The following CHD3 variants were observed in gnomAD, a reference collection of about 807,000 sequenced individuals.
CHD3 encodes the protein chromodomain helicase DNA binding protein 3, also known as ATP-dependent chromatin remodeler CHD3.
A neutral mutation model predicts 248.9 loss-of-function variants in CHD3; 52 were observed. The observed-to-expected ratio is 0.21, with a 90% CI of 0.17 to 0.26. CHD3 has a LOEUF of 0.26. Among genes scored for constraint, CHD3 ranks in the 10% least tolerant of loss-of-function variants. CHD3 has a pLI of 1.00. For missense variants in CHD3, 1,482 were observed against 2,605.8 expected, an observed-to-expected ratio of 0.57 and a Z score of 9.39; for synonymous variants, 985 against 985.2, an observed-to-expected ratio of 1.00 and a Z score of 0.00.
chr17:7,891,817 C>T (rs1968904027), intron 4 of CHD3, among the ~76,000 whole-genome samples: 1 of 151,694 alleles, frequency 6.6e-6, no homozygotes, highest in Non-Finnish European at 1.5e-5. Flanking sequence ...GCCGAGATCA[C>T]ACCACTGCTA....
Position 7,903,112 on chromosome 17 carries a change from G to T in CHD3, c.3495+51G>T, listed in dbSNP as rs1970508161. On this transcript the variant is annotated intron_variant, in intron 22 of 39. Coordinates refer to ENST00000330494, the MANE Select transcript of CHD3 (RefSeq NM_001005273.3). The surrounding 1 kb of genome is among the most constrained non-coding windows in gnomAD (Gnocchi z 6.8). ...TGCACCATTTAGCAAGGAGATGTGG[G>T]TTCATGGAGGAGGGTGTCATGTTCC... The T allele has an allele frequency of 1.3e-6, 2 of 1,595,680 alleles. No individual in the cohort carries two copies. The highest frequency in any genetic ancestry group is 4.5e-5 in the East Asian group (2 of 44,522).
At chr17:7,886,015 T>TGGG (rs34320313), upstream of CHD3, among the ~76,000 whole-genome samples, 7 of 151,654 alleles carry the variant, frequency 4.6e-5, no homozygotes, top group South Asian at 2.1e-4. This position sits in a 1 kb window ranked among gnomAD's most constrained non-coding sequence, Gnocchi z 4.2. Flanking sequence ...TCAAGTGCGG[T>TGGG]GGGGGGGGTC....
chr17:7,903,478 AG>A lies in CHD3; in HGVS notation c.3703del (p.Glu1235SerfsTer18). 6.2e-7 allele frequency: 1 copy of A among 1,614,102 alleles called. No individual in the cohort carries two copies. On this transcript the variant is annotated frameshift_variant, in exon 23 of 40. Transcript: ENST00000330494. LOFTEE classifies it high-confidence loss of function. The surrounding 1 kb of genome is among the most constrained non-coding windows in gnomAD (Gnocchi z 6.8). ...LDDILKFGTE[E>X]LFKDENEGEN... is the part of the protein sequence containing the mutation. ...ACGACATTCTCAAATTTGGCACTGA[AG>A]AGCTATTCAAGGATGAAAACGAGGG...
rs9909007 is a variant in CHD3, at chr17:7,906,043, G to A, written c.4358+54G>A. 9,867 of 1,607,880 alleles carry A rather than the reference G, an allele frequency of 6.1e-3. 522 individuals carry two copies. The African/African-American group carries it at 0.12, about 19-fold the overall frequency. Reference sequence around the variant, plus strand: ...GGACGCAAGGGGAAGAGCTTTGGGTGTTCCTTTCTTCCTTGGGGCCGCCAT... The same window carrying A: ...GGACGCAAGGGGAAGAGCTTTGGGTATTCCTTTCTTCCTTGGGGCCGCCAT... On this transcript the variant is annotated intron_variant, in intron 28 of 39. Transcript: ENST00000330494. The surrounding 1 kb of genome is among the most constrained non-coding windows in gnomAD (Gnocchi z 5.0).
chr17:7,890,536 G>A, intron 2 of CHD3, 35 bp from the exon 3 acceptor site: 2 of 1,424,774 alleles, frequency 1.4e-6, no homozygotes, highest in Non-Finnish European at 1.9e-6. Context: ...CAATGGTAGG[G>A]ATGAATAAAT....
rs777210278 is a variant in CHD3 at position 7,906,128 on chromosome 17, G to A, written c.4358+139G>A. 37 of 1,334,624 alleles carry A rather than the reference G, an allele frequency of 2.8e-5. No homozygotes were observed. The highest frequency in any genetic ancestry group is 2.6e-4 in the African/African-American group (18 of 69,682). 82.7% of individuals were successfully genotyped at this position (1,334,624 alleles called of 1,614,324 possible). On this transcript the variant is annotated intron_variant, in intron 28 of 39. Coordinates refer to ENST00000330494, the MANE Select transcript of CHD3 (RefSeq NM_001005273.3). The surrounding 1 kb of genome is among the most constrained non-coding windows in gnomAD (Gnocchi z 5.0). ...CCTGTCATACAATACTTCCTGGCTC[G>A]ATTTCCTGGGGGGTGGTCTCAGCCC...
In CHD3 at chr17:7,908,681, T is replaced by C; in HGVS notation, c.5262-16T>C. On this transcript the variant is annotated splice_polypyrimidine_tract_variant and intron_variant, in intron 35 of 39. Transcript: ENST00000330494. The surrounding 1 kb of genome is among the most constrained non-coding windows in gnomAD (Gnocchi z 5.8). ...CCTGTTAAATTCCTTGATGGTTCCT[T>C]TTCCTTCATTGGTAGCCATGGCTAT... is the stretch of plus-strand genomic sequence containing the variant. 1 of 1,613,882 alleles carries C rather than the reference T, an allele frequency of 6.2e-7. No individual in the cohort carries two copies. The highest frequency in any genetic ancestry group is 1.7e-5 in the Admixed American group (1 of 59,994).
chr17:7,897,478 C>G lies in CHD3; in HGVS notation c.1919+184C>G, dbSNP rs1452792175. 2.0e-5 allele frequency among the ~76,000 whole-genome samples: 3 copies of G among 152,192 alleles called. No individual in the cohort carries two copies. The highest frequency in any genetic ancestry group is 2.0e-4 in the Admixed American group (3 of 15,282). ...GAACGGGAGAAAACAGGAGGAAAATCCGGCCAGGCAGTGCCTCTTTTGTCC... is the reference window on the plus strand; with the variant it reads ...GAACGGGAGAAAACAGGAGGAAAATGCGGCCAGGCAGTGCCTCTTTTGTCC... On this transcript the variant is annotated intron_variant, in intron 11 of 39. Transcript: ENST00000330494. The surrounding 1 kb of genome is among the most constrained non-coding windows in gnomAD (Gnocchi z 4.8).
upstream of CHD3, chr17:7,884,855 G>C (rs1328051325): frequency 1.7e-6 from 2 of 1,161,438 alleles, 1 homozygote; most frequent in Admixed American, 4.7e-5. Context: ...GGAGATGGTG[G>C]TGTCGGAGGA....
chr17:7,898,025 T>C lies in CHD3; in HGVS notation c.1974T>C (p.Tyr658=). Residue 658 remains tyrosine, a synonymous_variant, in exon 12 of 40, where the codon TAT becomes TAC. Coordinates refer to ENST00000330494, the MANE Select transcript of CHD3 (RefSeq NM_001005273.3). The part of the protein sequence containing the change: ...HYLVKWRDLP[Y]DQSTWEEDEM... ...TAGTAAAATGGAGGGACTTACCATA[T>C]GACCAGTCCACGTGGGAGGAAGATG... 1 of 1,614,170 alleles carries C rather than the reference T, an allele frequency of 6.2e-7. No individual in the cohort carries two copies. The highest frequency in any genetic ancestry group is 8.5e-7 in the Non-Finnish European group (1 of 1,179,998).
chr17:7,907,809 C>A lies in CHD3; in HGVS notation c.5027-85C>A. The A allele has an allele frequency of 6.6e-7, 1 of 1,505,540 alleles. No homozygotes were observed. Among genetic ancestry groups the A allele is most frequent in the South Asian group, 1.3e-5 (1 of 77,904 alleles). 93.3% of individuals were successfully genotyped at this position (1,505,540 alleles called of 1,614,324 possible). A position where few individuals can be genotyped will look rare whatever the true frequency, so the allele number is the denominator to read the frequency against. ...CTGGGCGGGTAGCTGTTTGAAAGGC[C>A]AGTACAGTACAGTACAGATAGTAGT... On this transcript the variant is annotated intron_variant, in intron 33 of 39. Transcript: ENST00000330494. This position sits in a 1 kb window ranked among gnomAD's most constrained non-coding sequence, Gnocchi z 4.3.
rs928141881 is a variant in CHD3 at position 7,911,189 on chromosome 17, G to A, written c.5881+216G>A. ...TAAAAACCAGAGTTTTAGTAGATCTGTGGCTTGGTGTCTTCTACCCGAGCC... is the reference window on the plus strand; with the variant it reads ...TAAAAACCAGAGTTTTAGTAGATCTATGGCTTGGTGTCTTCTACCCGAGCC... On this transcript the variant is annotated intron_variant, in intron 39 of 39. Transcript: ENST00000330494. The surrounding 1 kb of genome is among the most constrained non-coding windows in gnomAD (Gnocchi z 5.4). 3.3e-5 allele frequency among the ~76,000 whole-genome samples: 5 copies of A among 152,164 alleles called. No individual in the cohort carries two copies. Among genetic ancestry groups the A allele is most frequent in the African/African-American group, 1.2e-4 (5 of 41,432 alleles).
At position 7,897,423 on chromosome 17, in the gene CHD3, C is replaced by T; in HGVS notation, c.1919+129C>T. 1 of 832,762 alleles carries T rather than the reference C, an allele frequency of 1.2e-6. No individual in the cohort carries two copies. Among genetic ancestry groups the T allele is most frequent in the East Asian group, 2.6e-5 (1 of 37,862 alleles). The allele number at this position is 832,762 out of a possible 1,614,324, so 51.6% of individuals were successfully genotyped here. A position where few individuals can be genotyped will look rare whatever the true frequency, so the allele number is the denominator to read the frequency against. On this transcript the variant is annotated intron_variant, in intron 11 of 39. Coordinates refer to ENST00000330494, the MANE Select transcript of CHD3 (RefSeq NM_001005273.3). The surrounding 1 kb of genome is among the most constrained non-coding windows in gnomAD (Gnocchi z 4.8). ...AACCTTGATAACCTCTGCTGTAGCT[C>T]CAGCCTTTCTGGCCTTGTTTCCTCC...
Position 7,906,935 on chromosome 17 carries a change from G to T in CHD3, c.4570G>T (p.Asp1524Tyr). ...MPELMPDPSA[D>Y]SKRSSRASSP... is the part of the protein sequence containing the mutation. ...GGAACTGATGCCTGACCCCAGCGCC[G>T]ATTCTAAGCGCTCCTCCAGAGCCTC... Residue 1524 changes from aspartate to tyrosine, a missense_variant, in exon 30 of 40, where the codon GAT becomes TAT. By Grantham distance (160) the Asp-to-Tyr change is radical (BLOSUM62 -3). Transcript: ENST00000330494. This position sits in a 1 kb window ranked among gnomAD's most constrained non-coding sequence, Gnocchi z 5.0. 6.2e-7 allele frequency: 1 copy of T among 1,614,068 alleles called. No homozygotes were observed. Among genetic ancestry groups the T allele is most frequent in the South Asian group, 1.1e-5 (1 of 91,084 alleles).
chr17:7,897,094 C>T lies in CHD3; in HGVS notation c.1719C>T (p.Phe573=). Residue 573 remains phenylalanine, a synonymous_variant, in exon 11 of 40, where the codon TTC becomes TTT. Transcript: ENST00000330494. The surrounding 1 kb of genome is among the most constrained non-coding windows in gnomAD (Gnocchi z 4.8). ...CTGTGCCCTGCTAGCTGGAAATCTT[C>T]CATTTGGTTATGTATCGAAACTACC... ...SWAKELQLEI[F]HLVMYRNYQR... is the part of the protein sequence containing the mutation. 1.2e-6 allele frequency: 2 copies of T among 1,614,114 alleles called. No individual in the cohort carries two copies. Among genetic ancestry groups the T allele is most frequent in the Non-Finnish European group, 1.7e-6 (2 of 1,179,966 alleles).
chr17:7,908,063 C>T lies in CHD3; in HGVS notation c.5152+44C>T. The T allele has an allele frequency of 6.4e-7, 1 of 1,552,544 alleles. No homozygotes were observed. The highest frequency in any genetic ancestry group is 8.7e-7 in the Non-Finnish European group (1 of 1,146,492). On this transcript the variant is annotated intron_variant, in intron 34 of 39. Transcript: ENST00000330494. The surrounding 1 kb of genome is among the most constrained non-coding windows in gnomAD (Gnocchi z 5.8). Reference sequence around the variant, plus strand: ...GCTTTCTGCTCCTCAAGGGGATCTGCTCATCCTCATGGGGTTTCTCGTTTT... The same window carrying T: ...GCTTTCTGCTCCTCAAGGGGATCTGTTCATCCTCATGGGGTTTCTCGTTTT...
chr17:7,898,181 T>C, intron 12 of CHD3, 79 bp downstream of exon 12: 2 of 1,542,870 alleles, frequency 1.3e-6, no homozygotes, highest in Non-Finnish European at 1.8e-6. Context: ...AAAATGAGGG[T>C]ACAGTAGGGC....
Position 7,909,039 on chromosome 17 carries a change from G to T in CHD3, c.5395-104G>T. 1 of 1,477,792 alleles carries T rather than the reference G, an allele frequency of 6.8e-7. No homozygotes were observed. The allele number at this position is 1,477,792 out of a possible 1,614,324, so 91.5% of individuals were successfully genotyped here. The stretch of plus-strand genomic sequence containing the variant: ...CGGTTTGGAGCTGGGAGTGCCCTGG[G>T]CCAGCAGTGAGGGCAGGGTGGGTCT... On this transcript the variant is annotated intron_variant, in intron 36 of 39. Transcript: ENST00000330494. The surrounding 1 kb of genome is among the most constrained non-coding windows in gnomAD (Gnocchi z 8.1).
In CHD3 at chr17:7,903,488, A is replaced by T; in HGVS notation, c.3712A>T (p.Lys1238Ter). 1 of 1,613,698 alleles carries T rather than the reference A, an allele frequency of 6.2e-7. No homozygotes were observed. ...CAAATTTGGCACTGAAGAGCTATTC[A>T]AGGATGAAAACGAGGGTGAGAACCT... is the stretch of plus-strand genomic sequence containing the variant. ...ILKFGTEELFKDENEGENKEE... is the reference protein window; with the variant it reads ...ILKFGTEELF Residue 1238 changes from lysine to a stop codon, truncating the protein, a stop_gained, in exon 23 of 40, where the codon AAG (lysine) becomes TAG (stop). Coordinates refer to ENST00000330494, the MANE Select transcript of CHD3 (RefSeq NM_001005273.3). LOFTEE classifies it high-confidence loss of function. The surrounding 1 kb of genome is among the most constrained non-coding windows in gnomAD (Gnocchi z 6.8).
Sources: gnomAD v4.1 joint callset for allele counts (sites outside exome capture counted in the v4.1 genomes callset) on GRCh38, gnomAD v4.1.1 for gene constraint, Gnocchi (gnomAD v3.1) non-coding constraint, MANE v1.5 for transcripts, NCBI Gene and HGNC (gene_info 2026-07-23, HGNC 2026-07-21) for gene names.